ADAMTSL1: variants seen among roughly 807,000 people sequenced by gnomAD.
ADAMTSL1 encodes the protein ADAMTS-like protein 1.
In ADAMTSL1, 126 loss-of-function variants were observed where a neutral mutation model predicts 201.8. The observed-to-expected ratio is 0.62, with a 90% confidence interval of 0.54 to 0.72. The LOEUF (loss-of-function observed/expected upper bound fraction) is 0.72, where lower values mean the gene tolerates loss of function less well. Ranked by LOEUF, ADAMTSL1 falls within the 30% of genes least tolerant of loss-of-function variation. The pLI is 0.00. For missense variants in ADAMTSL1, 2,679 were observed against 2,277.8 expected, an observed-to-expected ratio of 1.18 and a Z score of -3.59; for synonymous variants, 1,121 against 903.4, an observed-to-expected ratio of 1.24 and a Z score of -4.32.
In ADAMTSL1 at chr9:18,574,178, C is replaced by A; in HGVS notation, c.386C>A (p.Thr129Asn). ...CSLKCQAKGTTLVVELAPKVL... is the reference protein window; with the variant it reads ...CSLKCQAKGTNLVVELAPKVL... ...CTCAAGTGCCAAGCCAAAGGAACAA[C>A]CCTGGTTGTTGAACTAGCACCTAAG... The change falls in exon 4 of 29, where the codon ACC becomes AAC. Residue 129 changes from threonine (T) to asparagine (N), a missense_variant. By Grantham distance (65) the Thr-to-Asn change is moderately conservative. Coordinates refer to ENST00000380548, the MANE Select transcript of ADAMTSL1 (RefSeq NM_001040272.6). 3 of 1,614,154 alleles carry A rather than the reference C, an allele frequency of 1.9e-6. No individual in the cohort carries two copies. The highest frequency in any genetic ancestry group is 1.7e-5 in the Admixed American group (1 of 60,020).
At chr9:17,928,639 G>T (rs539844392) in intron 1 of ADAMTSL1, among the ~76,000 whole-genome samples, 2 of 152,272 alleles carry the variant, frequency 1.3e-5, no homozygotes, top group African/African-American at 4.8e-5. Context: ...GTCAGGCATG[G>T]TGGCTCACAC....
At chr9:18,257,173 C>T (rs1831719427) in intron 2 of ADAMTSL1, among the ~76,000 whole-genome samples, 1 of 152,084 alleles carries the variant, frequency 6.6e-6, no homozygotes, top group African/African-American at 2.4e-5. Flanking sequence ...GTGATCATCA[C>T]AACACAATTC....
At position 18,303,447 on chromosome 9, in the gene ADAMTSL1, G is replaced by A. The variant is rs117390796; in HGVS notation, c.207+139466G>A. On this transcript the variant is annotated intron_variant, in intron 2 of 29. Transcript: ENST00000680146. The stretch of plus-strand genomic sequence containing the variant: ...GCTTCACAGGGAAAGGGGAACATAA[G>A]CTGTTCCTTCTGGCAGCACAGGCAG... 7.9e-4 allele frequency among the ~76,000 whole-genome samples: 121 copies of A among 152,294 alleles called. 3 individuals carry two copies. In the East Asian group the frequency reaches 0.022, roughly 28 times the overall value.
intron 20 of ADAMTSL1, among the ~76,000 whole-genome samples, chr9:18,801,989 A>T (rs149072896): frequency 6.6e-6 from 1 of 152,316 alleles, no homozygotes; most frequent in East Asian, 1.9e-4. Context: ...ATATATTCAG[A>T]GTTGTGGCCG....
intron 1 of ADAMTSL1, among the ~76,000 whole-genome samples, chr9:17,944,271 A>G (rs1368076846): frequency 1.3e-5 from 2 of 152,088 alleles, no homozygotes; most frequent in African/African-American, 2.4e-5. Context: ...CGTGAAGGAC[A>G]TCTTCAAGGA....
At chr9:18,474,903 A>C (rs1207907225) in intron 1 of ADAMTSL1, among the ~76,000 whole-genome samples, 3 of 152,136 alleles carry the variant, frequency 2.0e-5, no homozygotes, top group Non-Finnish European at 4.4e-5. Context: ...AAGAAGAAAA[A>C]GGAATGGTGA....
At chr9:18,906,418 C>T (rs559661827) in intron 27 of ADAMTSL1, among the ~76,000 whole-genome samples, 3 of 152,158 alleles carry the variant, frequency 2.0e-5, no homozygotes, top group African/African-American at 4.8e-5. Context: ...CAGGCTCTGC[C>T]GGTGTCCACA....
intron 2 of ADAMTSL1, among the ~76,000 whole-genome samples, chr9:18,465,191 C>G (rs958711731): frequency 6.6e-6 from 1 of 152,184 alleles, no homozygotes; most frequent in African/African-American, 2.4e-5. Flanking sequence ...AGGCAGTTCT[C>G]CCAGAGGCCA....
intron 23 of ADAMTSL1, among the ~76,000 whole-genome samples, chr9:18,885,927 C>G (rs956715481): frequency 6.6e-6 from 1 of 151,744 alleles, no homozygotes; most frequent in Non-Finnish European, 1.5e-5. Flanking sequence ...TAGTGGTGAA[C>G]TAGATGATTT....
intron 1 of ADAMTSL1, among the ~76,000 whole-genome samples, chr9:18,483,555 C>T (rs981051521): frequency 3.9e-5 from 6 of 152,140 alleles, no homozygotes; most frequent in Non-Finnish European, 8.8e-5. Context: ...CGGCGTGGCG[C>T]GCTGGCTCAC....
intron 2 of ADAMTSL1, among the ~76,000 whole-genome samples, chr9:18,376,255 A>G (rs1837291411): frequency 6.6e-6 from 1 of 152,234 alleles, no homozygotes; most frequent in African/African-American, 2.4e-5. Flanking sequence ...ATTCAAAAAT[A>G]TTTATTAAGA....
At chr9:18,489,696 A>G (rs1822173790) in intron 1 of ADAMTSL1, among the ~76,000 whole-genome samples, 1 of 152,118 alleles carries the variant, frequency 6.6e-6, no homozygotes, top group East Asian at 1.9e-4. Flanking sequence ...CTTTTTCTAG[A>G]TGGCCATTGT....
At chr9:18,847,517 C>G (rs1471520851) in intron 23 of ADAMTSL1, among the ~76,000 whole-genome samples, 1 of 152,098 alleles carries the variant, frequency 6.6e-6, no homozygotes, top group African/African-American at 2.4e-5. Flanking sequence ...AAAAATAAAG[C>G]AGGATAAGAG....
At chr9:18,401,124 T>A (rs1817967932) in intron 2 of ADAMTSL1, among the ~76,000 whole-genome samples, 1 of 152,198 alleles carries the variant, frequency 6.6e-6, no homozygotes, top group South Asian at 2.1e-4. Context: ...CTGTGATAAA[T>A]AAATAATATT....
In ADAMTSL1 at chr9:18,013,234, C is replaced by A. The variant is rs552452895; in HGVS notation, c.87+106312C>A. Among the ~76,000 whole-genome samples the A allele has an allele frequency of 5.3e-5, 8 of 152,068 alleles. No homozygotes were observed. In the South Asian group the frequency reaches 1.5e-3, roughly 28 times the overall value. On this transcript the variant is annotated intron_variant, in intron 1 of 29. Transcript: ENST00000680146. ...AGCTTCTTATATGTGGCTTGCAGAG[C>A]ACTTTCACATATTTTGTACACTTTC...
At chr9:18,571,015 C>A (rs1454887610) in intron 3 of ADAMTSL1, among the ~76,000 whole-genome samples, 1 of 152,096 alleles carries the variant, frequency 6.6e-6, no homozygotes, top group Non-Finnish European at 1.5e-5. Context: ...TCACAGAAAA[C>A]AGAACCTAAA....
intron 2 of ADAMTSL1, among the ~76,000 whole-genome samples, chr9:18,456,027 A>C (rs1355521718): frequency 6.6e-6 from 1 of 152,128 alleles, no homozygotes; most frequent in Non-Finnish European, 1.5e-5. Flanking sequence ...ACAGTTAGTC[A>C]CCGTTACCTT....
In ADAMTSL1 at chr9:18,292,931, C is replaced by T. The variant is rs138253405; in HGVS notation, c.207+128950C>T. On this transcript the variant is annotated intron_variant, in intron 2 of 29. Transcript: ENST00000680146. The stretch of plus-strand genomic sequence containing the variant: ...AACTCCCTTTCATATATACATATAT[C>T]CTATTAGTTCTGTCCTTCTAGAGAA... 5.2e-3 allele frequency among the ~76,000 whole-genome samples: 787 copies of T among 152,276 alleles called. 5 individuals are homozygous for T. The highest frequency in any genetic ancestry group is 0.016 in the African/African-American group (673 of 41,546).
In ADAMTSL1 at chr9:18,572,169, G is replaced by A. The variant is rs560717315; in HGVS notation, c.238-1861G>A. Among the ~76,000 whole-genome samples, 8 of 151,582 alleles carry A rather than the reference G, an allele frequency of 5.3e-5. No homozygotes were observed. The South Asian group carries it at 1.0e-3, about 20-fold the overall frequency. On this transcript the variant is annotated intron_variant, in intron 3 of 28. Transcript: ENST00000380548. ...GAGATCACGCCACTACACTCCACCC[G>A]GGGAGACAGAGCGAGACTCCTTGTC...
Sources: gnomAD v4.1 joint callset for allele counts (sites outside exome capture counted in the v4.1 genomes callset) on GRCh38, gnomAD v4.1.1 for gene constraint, MANE v1.5 for transcripts, NCBI Gene and HGNC (gene_info 2026-07-23, HGNC 2026-07-21) for gene names.